The following ELP3 variants were observed in gnomAD, a reference collection of about 807,000 sequenced individuals.
ELP3 encodes elongator acetyltransferase complex subunit 3, also known as elongator complex protein 3.
Under a neutral mutation model 74.9 loss-of-function variants are expected in ELP3, and 56 were observed. The ratio of observed to expected loss-of-function variants is 0.75; its 90% CI spans 0.60 to 0.93. ELP3 has a LOEUF of 0.93. Ranked by LOEUF, ELP3 falls within the 40% of genes least tolerant of loss-of-function variation. The pLI is 0.00. For synonymous variants in ELP3, 222 were observed against 239.8 expected (o/e 0.93, Z 0.68); for missense variants, 573 against 686.5 (o/e 0.83, Z 1.85).
upstream of ELP3, chr8:28,090,485 GT>G (rs1811024962): frequency 1.8e-5 from 3 of 165,218 alleles, no homozygotes; most frequent in African/African-American, 2.7e-5. Flanking sequence ...ATGGGTGGGT[GT>G]GTGTGTGTGT....
In ELP3 at chr8:28,093,155, C is replaced by G. The variant is rs1811108459; in HGVS notation, c.-60C>G. ...TTGTTTTGTGGCTGTCAGCTTTCCC[C>G]GTGGTCTGAGTTTGTGGCTGCATTT... On this transcript the variant is annotated 5_prime_UTR_variant, in exon 1 of 15. Transcript: ENST00000256398. 6.2e-7 allele frequency: 1 copy of G among 1,600,858 alleles called. No homozygotes were observed. Among genetic ancestry groups the G allele is most frequent in the East Asian group, 2.3e-5 (1 of 44,412 alleles).
chr8:28,120,533 A>G (rs1322140735), intron 7 of ELP3, among the ~76,000 whole-genome samples: 1 of 152,216 alleles, frequency 6.6e-6, no homozygotes, highest in Non-Finnish European at 1.5e-5. Flanking sequence ...TCGTTTAGCC[A>G]AAGTTTTTAA....
intron 7 of ELP3, 120 bp downstream of exon 7, chr8:28,113,293 G>T: frequency 3.0e-6 from 2 of 670,256 alleles, no homozygotes; most frequent in Non-Finnish European, 4.6e-6. Context: ...AATCTTTCTT[G>T]TTTCATGGGA....
chr8:28,125,759 C>CTTTTTTTTTTTTTT lies in ELP3; in HGVS notation c.618-3733_618-3720dup, dbSNP rs755484214. Among the ~76,000 whole-genome samples the CTTTTTTTTTTTTTT allele has an allele frequency of 7.0e-3, 644 of 92,156 alleles. 1 individual carries two copies. Among genetic ancestry groups the CTTTTTTTTTTTTTT allele is most frequent in the Non-Finnish European group, 1.0e-2 (495 of 49,688 alleles). The allele number at this position is 92,156 out of a possible 152,430, so 60.5% of individuals were successfully genotyped here. On this transcript the variant is annotated intron_variant, in intron 7 of 14. Transcript: ENST00000256398. ...AGCTTTTTGTTCTGTAGTCATTTCT[C>CTTTTTTTTTTTTTT]TTTTTTTTTTTTTTTTTTTTTTTCT...
At chr8:28,158,845 C>CT (rs1336778068) in intron 12 of ELP3, among the ~76,000 whole-genome samples, 1 of 152,172 alleles carries the variant, frequency 6.6e-6, no homozygotes, top group Non-Finnish European at 1.5e-5. Flanking sequence ...GAACCTCATT[C>CT]TAGATTAGCA....
At position 28,166,826 on chromosome 8, in the gene ELP3, C is replaced by A. The variant is rs143009269; in HGVS notation, c.1567+4748C>A. Among the ~76,000 whole-genome samples, 117 of 152,328 alleles carry A rather than the reference C, an allele frequency of 7.7e-4. 1 individual carries two copies. The East Asian group carries it at 0.017, about 23-fold the overall frequency. On this transcript the variant is annotated intron_variant, in intron 14 of 14. Transcript: ENST00000256398. Reference sequence around the variant, plus strand: ...AACAGAATGAGTTTTTTTCTTCTGGCAGTTTTGGCTAGGTATCAGATCCAA... The same window carrying A: ...AACAGAATGAGTTTTTTTCTTCTGGAAGTTTTGGCTAGGTATCAGATCCAA...
intron 14 of ELP3, among the ~76,000 whole-genome samples, chr8:28,165,492 C>T (rs1412393856): frequency 1.3e-5 from 2 of 152,146 alleles, no homozygotes; most frequent in African/African-American, 4.8e-5. Context: ...TTTGTAAATC[C>T]ATCCTTGTTC....
intron 6 of ELP3, chr8:28,112,671 T>C (rs2130396137): frequency 6.2e-6 from 1 of 162,234 alleles, no homozygotes. Context: ...TGACATAAAA[T>C]ACATGATCAA....
At chr8:28,097,125 G>C in intron 1 of ELP3, 94 bp from the exon 2 acceptor site, 2 of 754,524 alleles carry the variant, frequency 2.7e-6, no homozygotes, top group South Asian at 1.7e-5. Flanking sequence ...TGGCATATTT[G>C]TATGGTTTCG....
At chr8:28,121,775 G>A (rs1467826313) in intron 7 of ELP3, among the ~76,000 whole-genome samples, 3 of 152,066 alleles carry the variant, frequency 2.0e-5, no homozygotes, top group Non-Finnish European at 4.4e-5. Flanking sequence ...AAACAATCAT[G>A]TCATCTGCAA....
chr8:28,125,557 G>C (rs555636213), intron 7 of ELP3, among the ~76,000 whole-genome samples: 8 of 152,140 alleles, frequency 5.3e-5, no homozygotes, highest in Non-Finnish European at 8.8e-5. Context: ...ATAATAAAGA[G>C]ACTTTAAAAT....
intron 10 of ELP3, among the ~76,000 whole-genome samples, chr8:28,150,543 C>T (rs978656587): frequency 6.6e-6 from 1 of 152,072 alleles, no homozygotes; most frequent in Non-Finnish European, 1.5e-5. Flanking sequence ...TCACTGTACT[C>T]TCTTCTTGCT....
intron 10 of ELP3, among the ~76,000 whole-genome samples, chr8:28,141,347 T>C (rs975222572): frequency 2.0e-5 from 3 of 152,180 alleles, no homozygotes; most frequent in African/African-American, 7.2e-5. Context: ...CAAAACAAAA[T>C]TGAGAAACAT....
chr8:28,173,553 A>AT (rs144556242), intron 14 of ELP3, among the ~76,000 whole-genome samples: 48,053 of 146,016 alleles, frequency 0.33, 8,190 homozygotes, highest in East Asian at 0.65. Context: ...TTTGATTTTG[A>AT]TTTTTTTTTT....
intron 1 of ELP3, among the ~76,000 whole-genome samples, chr8:28,094,783 G>A (rs145099077): frequency 2.0e-5 from 3 of 152,094 alleles, no homozygotes; most frequent in African/African-American, 7.2e-5. Flanking sequence ...GATCTTTTCC[G>A]TTACCACACA....
At chr8:28,104,949 TATC>T (rs1413432814) in intron 3 of ELP3, among the ~76,000 whole-genome samples, 1 of 152,254 alleles carries the variant, frequency 6.6e-6, no homozygotes, top group Non-Finnish European at 1.5e-5. Context: ...TTTGGTGGGT[TATC>T]ATCTGTTACT....
chr8:28,112,923 C>A (rs778510393), intron 6 of ELP3, 96 bp from the exon 7 acceptor site: 32 of 1,176,762 alleles, frequency 2.7e-5, no homozygotes, highest in Non-Finnish European at 3.8e-5. Context: ...TTAAACTGTA[C>A]TGATGAAAAC....
chr8:28,144,908 G>A, intron 10 of ELP3, among the ~76,000 whole-genome samples: 1 of 152,150 alleles, frequency 6.6e-6, no homozygotes, highest in South Asian at 2.1e-4. Flanking sequence ...TGAGTGTGGT[G>A]GTGGGCACCT....
chr8:28,104,795 C>T (rs1221902173), intron 3 of ELP3, among the ~76,000 whole-genome samples: 1 of 152,220 alleles, frequency 6.6e-6, no homozygotes, highest in Non-Finnish European at 1.5e-5. Flanking sequence ...GTCCACCAGA[C>T]TTACCCTCTG....
Sources: gnomAD v4.1 joint callset for allele counts (sites outside exome capture counted in the v4.1 genomes callset) on GRCh38, gnomAD v4.1.1 for gene constraint, MANE v1.5 for transcripts, NCBI Gene and HGNC (gene_info 2026-07-23, HGNC 2026-07-21) for gene names.